MCPH1: variants seen among roughly 807,000 people sequenced by gnomAD.
MCPH1 encodes the protein microcephalin 1.
A neutral mutation model predicts 84.5 loss-of-function variants in MCPH1; 104 were observed. The observed-to-expected ratio is 1.23, with a 90% CI of 1.05 to 1.45. The LOEUF (loss-of-function observed/expected upper bound fraction) is 1.45. Ranked by LOEUF, MCPH1 falls within the 40% of genes most tolerant of loss-of-function variation. The pLI is 0.00. For synonymous variants in MCPH1, 514 were observed against 366.8 expected (o/e 1.40, Z -4.58); for missense variants, 1,498 against 1,005.7 (o/e 1.49, Z -6.62).
chr8:6,414,243 G>A (rs1376450372), intron 2 of MCPH1, among the ~76,000 whole-genome samples: 2 of 151,700 alleles, frequency 1.3e-5, no homozygotes, highest in Non-Finnish European at 2.9e-5. Context: ...GCTGACCTCA[G>A]GTGATCCACC....
chr8:6,624,109 G>A (rs1831803046), intron 13 of MCPH1, among the ~76,000 whole-genome samples: 1 of 152,204 alleles, frequency 6.6e-6, no homozygotes, highest in South Asian at 2.1e-4. Context: ...ACTTCCTCCG[G>A]TTGTTTTGCC....
chr8:6,624,926 T>A, intron 13 of MCPH1: 1 of 893,000 alleles, frequency 1.1e-6, no homozygotes, highest in Non-Finnish European at 1.3e-6. Context: ...CAGGCTGGAG[T>A]GTGCAGTGAT....
intron 9 of MCPH1, chr8:6,473,961 C>T (rs2129558902): frequency 7.9e-7 from 1 of 1,273,744 alleles, no homozygotes. Context: ...TTGTAGGATG[C>T]CGTGGCTTCT....
chr8:6,588,310 A>G (rs565982393), intron 12 of MCPH1, among the ~76,000 whole-genome samples: 2 of 152,008 alleles, frequency 1.3e-5, no homozygotes, highest in South Asian at 4.2e-4. Flanking sequence ...AGTCACCGTT[A>G]TCAGAGCAAG....
At chr8:6,471,777 A>T (rs1334637294) in intron 9 of MCPH1, among the ~76,000 whole-genome samples, 2 of 152,160 alleles carry the variant, frequency 1.3e-5, no homozygotes. Flanking sequence ...ACCCAAAAGT[A>T]CCCAGCATAG....
chr8:6,414,664 G>A (rs2440437), intron 2 of MCPH1, 101 bp from the exon 3 acceptor site: 1 of 1,323,656 alleles, frequency 7.6e-7, no homozygotes, highest in Non-Finnish European at 1.1e-6. Context: ...TCTGTCAGAT[G>A]TTGAGAAACA....
At chr8:6,597,158 T>C (rs947479030) in intron 12 of MCPH1, among the ~76,000 whole-genome samples, 2 of 152,156 alleles carry the variant, frequency 1.3e-5, no homozygotes, top group Admixed American at 6.5e-5. Flanking sequence ...TAAAATCACC[T>C]GCCTATAAGC....
chr8:6,411,506 G>A (rs922141548), intron 2 of MCPH1, among the ~76,000 whole-genome samples: 2 of 152,176 alleles, frequency 1.3e-5, no homozygotes, highest in African/African-American at 2.4e-5. Context: ...AAGTGAAAAG[G>A]TGAAAGTTCT....
chr8:6,426,544 G>C (rs1438047205), intron 3 of MCPH1, among the ~76,000 whole-genome samples: 6 of 152,240 alleles, frequency 3.9e-5, no homozygotes, highest in African/African-American at 1.4e-4. Flanking sequence ...TAGCTGAGTA[G>C]TATTCTATTG....
chr8:6,518,150 A>T (rs1241948612), intron 12 of MCPH1, among the ~76,000 whole-genome samples: 1 of 152,114 alleles, frequency 6.6e-6, no homozygotes, highest in Non-Finnish European at 1.5e-5. Context: ...AGATGAAACA[A>T]TGTGATGGGG....
chr8:6,505,745 T>C (rs933058330), intron 12 of MCPH1, among the ~76,000 whole-genome samples: 3 of 133,894 alleles, frequency 2.2e-5, no homozygotes, highest in African/African-American at 8.2e-5. Context: ...ATATATTCTT[T>C]ATATATACGT....
intron 3 of MCPH1, among the ~76,000 whole-genome samples, chr8:6,418,107 G>A (rs999727060): frequency 1.3e-5 from 2 of 152,128 alleles, no homozygotes; most frequent in African/African-American, 4.8e-5. Flanking sequence ...CTCAGAATTT[G>A]GGGTTTCTCC....
At chr8:6,449,156 G>A (rs936329801) in intron 8 of MCPH1, among the ~76,000 whole-genome samples, 4 of 152,144 alleles carry the variant, frequency 2.6e-5, no homozygotes, top group African/African-American at 4.8e-5. Context: ...CTGCTGATTC[G>A]ATGTCAGTCC....
At chr8:6,493,948 T>C (rs920780808) in intron 11 of MCPH1, among the ~76,000 whole-genome samples, 2 of 152,104 alleles carry the variant, frequency 1.3e-5, no homozygotes, top group African/African-American at 4.8e-5. Flanking sequence ...AAATTTTTTT[T>C]TTTTTTCTTT....
intron 12 of MCPH1, among the ~76,000 whole-genome samples, chr8:6,526,039 C>T (rs1481761304): frequency 1.3e-5 from 2 of 152,032 alleles, no homozygotes; most frequent in Non-Finnish European, 1.5e-5. Context: ...CATTGTATAA[C>T]AGGCAAGAGA....
Position 6,587,372 on chromosome 8 carries a change from C to G in MCPH1, c.2215-34082C>G, listed in dbSNP as rs1563159002. On this transcript the variant is annotated intron_variant, in intron 12 of 13. Coordinates refer to ENST00000344683, the MANE Select transcript of MCPH1 (RefSeq NM_024596.5). Reference sequence around the variant, plus strand: ...TTTTGTCTTATTTCAGCTCATGGTTCTTGTTCCCCCAGCTTTATGGGGTAT... The same window carrying G: ...TTTTGTCTTATTTCAGCTCATGGTTGTTGTTCCCCCAGCTTTATGGGGTAT... 3.3e-5 allele frequency among the ~76,000 whole-genome samples: 5 copies of G among 152,138 alleles called. No individual in the cohort carries two copies. The South Asian group carries it at 8.3e-4, about 25-fold the overall frequency.
chr8:6,407,701 G>C (rs1267852546), intron 1 of MCPH1, among the ~76,000 whole-genome samples: 2 of 152,010 alleles, frequency 1.3e-5, no homozygotes, highest in Non-Finnish European at 2.9e-5. Flanking sequence ...TTCTTTTAGC[G>C]TTACCCCCAA....
intron 12 of MCPH1, among the ~76,000 whole-genome samples, chr8:6,534,555 C>T (rs1334950665): frequency 6.6e-6 from 1 of 152,132 alleles, no homozygotes; most frequent in Non-Finnish European, 1.5e-5. Flanking sequence ...GAGCGTGAGC[C>T]AGCACATCTG....
intron 9 of MCPH1, 70 bp downstream of exon 9, chr8:6,455,322 T>C: frequency 9.0e-7 from 1 of 1,115,026 alleles, no homozygotes; most frequent in Non-Finnish European, 1.4e-6. Flanking sequence ...TCTGGGTCAA[T>C]GAAACATAAA....
Sources: gnomAD v4.1 joint callset for allele counts (sites outside exome capture counted in the v4.1 genomes callset) on GRCh38, gnomAD v4.1.1 for gene constraint, MANE v1.5 for transcripts, NCBI Gene and HGNC (gene_info 2026-07-23, HGNC 2026-07-21) for gene names.